Variants in FGFR1 observed in about 807,000 individuals in gnomAD.
The protein encoded by FGFR1 is FGFR1/PLAG1 fusion.
A neutral mutation model predicts 93.7 loss-of-function variants in FGFR1; 18 were observed. The observed-to-expected ratio is 0.19, with a 90% CI of 0.13 to 0.28. The LOEUF is 0.28. Ranked by LOEUF, FGFR1 falls within the 10% of genes least tolerant of loss-of-function variation. The pLI is 1.00. For synonymous variants in FGFR1, 448 were observed against 429.3 expected (o/e 1.04, Z -0.54); for missense variants, 731 against 1,080.4 (o/e 0.68, Z 4.53).
Position 38,424,772 on chromosome 8 carries a change from G to A in FGFR1, c.746-73C>T, listed in dbSNP as rs530054753. ...GCTAAAGAGGGGTGGGCTCACCTGCGCCCCACTTGGCTTTCCCAGTGATGG... is the reference window on the plus strand; with the variant it reads ...GCTAAAGAGGGGTGGGCTCACCTGCACCCCACTTGGCTTTCCCAGTGATGG... On this transcript the variant is annotated intron_variant, in intron 6 of 17. Transcript: ENST00000447712. This position sits in a 1 kb window ranked among gnomAD's most constrained non-coding sequence, Gnocchi z 4.3. The A allele has an allele frequency of 2.8e-5, 42 of 1,499,592 alleles. No individual in the cohort carries two copies. The highest frequency in any genetic ancestry group is 3.6e-5 in the Admixed American group (2 of 55,308). The allele number at this position is 1,499,592 out of a possible 1,614,324, so 92.9% of individuals were successfully genotyped here.
In FGFR1 at chr8:38,414,020, G is replaced by A. The variant is rs2150524008; in HGVS notation, c.2190C>T (p.Tyr730=). 1.2e-6 allele frequency: 2 copies of A among 1,614,046 alleles called. No homozygotes were observed. Among genetic ancestry groups the A allele is most frequent in the Non-Finnish European group, 1.7e-6 (2 of 1,179,958 alleles). The stretch of plus-strand genomic sequence containing the variant: ...CATGCCAGCAGTCCCGCATCATCAT[G>A]TACCTGCGGCAGGACTGTAAGGTCA... ...DKPSNCTNEL[Y]MMMRDCWHAV... is the part of the protein sequence containing the mutation. Residue 730 remains tyrosine (Y), a synonymous_variant, in exon 17 of 18, where the codon TAC becomes TAT. Transcript: ENST00000447712.
intron 4 of FGFR1, 64 bp downstream of exon 4, chr8:38,428,281 TC>T: frequency 6.5e-7 from 1 of 1,547,078 alleles, no homozygotes; most frequent in Non-Finnish European, 8.9e-7. Context: ...CTTTCAGCCT[TC>T]CCCTCCCCTC....
At chr8:38,458,189 A>G (rs749062127) in intron 1 of FGFR1, among the ~76,000 whole-genome samples, 15 of 152,162 alleles carry the variant, frequency 9.9e-5, no homozygotes, top group South Asian at 2.1e-4. Context: ...ACAGTTTTAC[A>G]AAGTGTGCTA....
chr8:38,433,612 C>T (rs1475705331), intron 2 of FGFR1, among the ~76,000 whole-genome samples: 3 of 152,022 alleles, frequency 2.0e-5, no homozygotes, highest in Admixed American at 1.3e-4. Context: ...TGTGAGCCAC[C>T]GCACCCAGCC....
At chr8:38,460,704 C>T (rs1834191327) in intron 1 of FGFR1, among the ~76,000 whole-genome samples, 1 of 152,212 alleles carries the variant, frequency 6.6e-6, no homozygotes. Context: ...ACCTGGCCTC[C>T]TGGCACCAAC....
chr8:38,444,131 T>A (rs1409990051), intron 2 of FGFR1, among the ~76,000 whole-genome samples: 1 of 151,458 alleles, frequency 6.6e-6, no homozygotes, highest in Non-Finnish European at 1.5e-5. Flanking sequence ...ACGTTCTTAC[T>A]TGGCAAAAAA....
chr8:38,459,500 G>A (rs769063040), intron 1 of FGFR1, among the ~76,000 whole-genome samples: 1 of 152,072 alleles, frequency 6.6e-6, no homozygotes, highest in Non-Finnish European at 1.5e-5. Flanking sequence ...TTTTACGAAA[G>A]GAATCAGAAA....
In FGFR1 at chr8:38,417,353, C is replaced by T. The variant is rs780953869; in HGVS notation, c.1616G>A (p.Gly539Glu). The change falls in exon 12 of 18, where the codon GGG (glycine) becomes GAG (glutamate). Residue 539 changes from glycine (G) to glutamate (E), a missense_variant. Transcript: ENST00000447712. ...ISEMEMMKMI[G>E]KHKNIINLLG... ...CAGGTTGATGATATTCTTATGCTTC[C>T]CGATCATCTTCATCATCTCCATTTC... The T allele has an allele frequency of 2.5e-6, 4 of 1,614,046 alleles. No individual in the cohort carries two copies. Among genetic ancestry groups the T allele is most frequent in the Non-Finnish European group, 1.7e-6 (2 of 1,180,046 alleles).
At chr8:38,422,409 C>G (rs1819160063) in intron 7 of FGFR1, 1 of 356,142 alleles carries the variant, frequency 2.8e-6, no homozygotes, top group Non-Finnish European at 5.2e-6. Context: ...CTAACCCCTT[C>G]TCTCTCTTTT....
intron 2 of FGFR1, among the ~76,000 whole-genome samples, chr8:38,443,659 T>A (rs926605650): frequency 5.3e-5 from 8 of 149,614 alleles, no homozygotes; most frequent in Non-Finnish European, 8.9e-5. Flanking sequence ...GGTGACAAAG[T>A]GTGACCCTGT....
Position 38,457,372 on chromosome 8 carries a change from C to G in FGFR1, c.75G>C (p.Pro25=), listed in dbSNP as rs17175757. 7 of 1,613,296 alleles carry G rather than the reference C, an allele frequency of 4.3e-6. No homozygotes were observed. The Admixed American group carries it at 1.0e-4, about 23-fold the overall frequency. Residue 25 remains proline (P), a synonymous_variant, in exon 2 of 18, where the codon CCG becomes CCC. Coordinates refer to ENST00000447712, the MANE Select transcript of FGFR1 (RefSeq NM_023110.3). ...TATLCTARPS[P]TLPEQAQPWG... ...GCACCTTACCTTGTTCAGGCAAGGT[C>G]GGGGACGGCCTAGCGGTGCAGAGTG... is the stretch of plus-strand genomic sequence containing the variant.
rs768532728 is a variant in FGFR1 at position 38,418,342 on chromosome 8, G to C, written c.1316C>G (p.Ser439Cys). 1 of 1,614,138 alleles carries C rather than the reference G, an allele frequency of 6.2e-7. No individual in the cohort carries two copies. Among genetic ancestry groups the C allele is most frequent in the Non-Finnish European group, 8.5e-7 (1 of 1,180,006 alleles). Residue 439 changes from serine (S) to cysteine (C), a missense_variant, in exon 10 of 18, where the codon TCT becomes TGT. This residue lies in a region of FGFR1 where 146 missense variants were observed against 173.0 expected (regional missense o/e 0.84). Transcript: ENST00000447712. Reference sequence around the variant, plus strand: ...TGATGGCCGAACCAGAAGAACCCCAGAGTTCATGGATGCACTGGAGTCAGC... The same window carrying C: ...TGATGGCCGAACCAGAAGAACCCCACAGTTCATGGATGCACTGGAGTCAGC... Reference protein sequence around the residue: ...VSADSSASMNSGVLLVRPSRL... With the variant: ...VSADSSASMNCGVLLVRPSRL...
Position 38,414,143 on chromosome 8 carries a change from C to T in FGFR1, c.2186+9G>A, listed in dbSNP as rs368857820. 11 of 1,614,094 alleles carry T rather than the reference C, an allele frequency of 6.8e-6. No individual in the cohort carries two copies. Among genetic ancestry groups the T allele is most frequent in the African/African-American group, 2.7e-5 (2 of 74,944 alleles). The stretch of plus-strand genomic sequence containing the variant: ...TGGCTCAGGGCCTCCGACATCTCCT[C>T]GGGCTTACAGCTCGTTGGTGCAGTT... On this transcript the variant is annotated intron_variant, in intron 16 of 17. Transcript: ENST00000447712.
chr8:38,435,304 C>T (rs2151040320), intron 2 of FGFR1: 1 of 152,280 alleles, frequency 6.6e-6, no homozygotes, highest in Admixed American at 6.5e-5. Context: ...TCAGTAAGTC[C>T]AGAACTGAAT....
At chr8:38,453,780 T>G (rs1341593219) in intron 2 of FGFR1, among the ~76,000 whole-genome samples, 1 of 152,102 alleles carries the variant, frequency 6.6e-6, no homozygotes, top group Non-Finnish European at 1.5e-5. Flanking sequence ...TAATTCCAGC[T>G]ACTTAGGAGG....
chr8:38,466,040 T>G, intron 1 of FGFR1: 1 of 230,500 alleles, frequency 4.3e-6, no homozygotes, highest in East Asian at 6.1e-5. Flanking sequence ...TCCCGGCAAC[T>G]TTGGACCACA....
In FGFR1 at chr8:38,413,705, G is replaced by A. The variant is rs2150507200; in HGVS notation, c.2392C>T (p.His798Tyr). ...CAGGGCTCCTCGGGCAGCGGCTCAT[G>A]AGAGAAGACGGAATCCTCCCCTGAG... ...CSSGEDSVFS[H>Y]EPLPEEPCLP... Residue 798 changes from histidine (H) to tyrosine (Y), a missense_variant, in exon 18 of 18, where the codon CAT becomes TAT. Around this residue, in one of 10 missense-constraint regions of FGFR1, gnomAD observed 79 missense variants for 97.2 expected, o/e 0.81. Transcript: ENST00000447712. The surrounding 1 kb of genome is among the most constrained non-coding windows in gnomAD (Gnocchi z 4.2). 3 of 1,613,992 alleles carry A rather than the reference G, an allele frequency of 1.9e-6. No individual in the cohort carries two copies. The highest frequency in any genetic ancestry group is 2.5e-6 in the Non-Finnish European group (3 of 1,179,948).
intron 9 of FGFR1, among the ~76,000 whole-genome samples, chr8:38,419,152 T>C (rs1455383416): frequency 6.6e-6 from 1 of 152,230 alleles, no homozygotes; most frequent in Non-Finnish European, 1.5e-5. Flanking sequence ...GTCTTGGGTA[T>C]GTCTTTCTCA....
rs1341871955 is a variant in FGFR1, at chr8:38,468,198, G to A, written c.-306C>T. Reference sequence around the variant, plus strand: ...CAATGGAGCCGGAGCTGGTGCCCCGGAGGCGGGGCGGGGGGAGGGCTCCCG... The same window carrying A: ...CAATGGAGCCGGAGCTGGTGCCCCGAAGGCGGGGCGGGGGGAGGGCTCCCG... On this transcript the variant is annotated 5_prime_UTR_variant, in exon 1 of 18. Transcript: ENST00000447712. 5 of 228,578 alleles carry A rather than the reference G, an allele frequency of 2.2e-5. No homozygotes were observed. The highest frequency in any genetic ancestry group is 1.8e-4 in the East Asian group (3 of 16,384). The allele number at this position is 228,578 out of a possible 1,614,324, so 14.2% of individuals were successfully genotyped here. A position where few individuals can be genotyped will look rare whatever the true frequency, so the allele number is the denominator to read the frequency against.
Sources: gnomAD v4.1 joint callset for allele counts (sites outside exome capture counted in the v4.1 genomes callset) on GRCh38, gnomAD v4.1.1 for gene constraint, gnomAD v4.1.1 regional missense constraint, Gnocchi (gnomAD v3.1) non-coding constraint, MANE v1.5 for transcripts, NCBI Gene and HGNC (gene_info 2026-07-23, HGNC 2026-07-21) for gene names.